The following BMP2K variants were observed in gnomAD, a reference collection of about 807,000 sequenced individuals.
BMP2K encodes the protein BMP2 inducible kinase, also known as BMP-2-inducible protein kinase.
Under a neutral mutation model 116.0 loss-of-function variants are expected in BMP2K, and 74 were observed. The observed-to-expected ratio is 0.64, with a 90% CI of 0.53 to 0.77. The LOEUF (loss-of-function observed/expected upper bound fraction) is 0.77. Ranked by LOEUF, BMP2K falls within the 30% of genes least tolerant of loss-of-function variation. The pLI is 0.00. For synonymous variants in BMP2K, 486 were observed against 502.5 expected (o/e 0.97, Z 0.44); for missense variants, 1,365 against 1,403.6 (o/e 0.97, Z 0.44).
At chr4:78,888,176 T>C (rs539740714) in intron 15 of BMP2K, 1 of 152,354 alleles carries the variant, frequency 6.6e-6, no homozygotes, top group East Asian at 1.9e-4. Flanking sequence ...GTTTTTTCAT[T>C]GCTTTCATAC....
At chr4:78,859,389 C>T in intron 7 of BMP2K, 195 bp from the exon 8 acceptor site, 1 of 402,322 alleles carries the variant, frequency 2.5e-6, no homozygotes, top group Non-Finnish European at 4.4e-6. Context: ...ATTGATCTAC[C>T]CTTAGCTTGG....
At chr4:78,834,654 T>C (rs1038645925) in intron 3 of BMP2K, among the ~76,000 whole-genome samples, 2 of 152,214 alleles carry the variant, frequency 1.3e-5, no homozygotes, top group Non-Finnish European at 2.9e-5. Context: ...TAGGGAGCCC[T>C]GGTTTACATT....
chr4:78,801,602 CT>C (rs1336389217), intron 1 of BMP2K, among the ~76,000 whole-genome samples: 2 of 152,072 alleles, frequency 1.3e-5, no homozygotes, highest in Non-Finnish European at 2.9e-5. Flanking sequence ...AGGTTTAATT[CT>C]TTTTCTTGCT....
chr4:78,830,601 T>C (rs1425042558), intron 2 of BMP2K, among the ~76,000 whole-genome samples: 2 of 152,256 alleles, frequency 1.3e-5, no homozygotes, highest in African/African-American at 4.8e-5. Context: ...ATCTGTTGTT[T>C]AGTGCAGCCA....
intron 1 of BMP2K, 121 bp downstream of exon 1, chr4:78,776,842 G>T: frequency 1.0e-6 from 1 of 970,298 alleles, no homozygotes; most frequent in Non-Finnish European, 1.3e-6. Flanking sequence ...CTGCTGCCGG[G>T]CCAGCGGGGG....
At chr4:78,856,501 G>A (rs754122455) in intron 7 of BMP2K, among the ~76,000 whole-genome samples, 1 of 152,034 alleles carries the variant, frequency 6.6e-6, no homozygotes, top group Non-Finnish European at 1.5e-5. Context: ...GCTTAAAGAT[G>A]CCTTATTGAT....
intron 1 of BMP2K, among the ~76,000 whole-genome samples, chr4:78,818,544 T>C (rs1729466392): frequency 6.6e-6 from 1 of 152,248 alleles, no homozygotes; most frequent in Non-Finnish European, 1.5e-5. Flanking sequence ...AGCCTTCATT[T>C]AACACCTCAC....
intron 15 of BMP2K, among the ~76,000 whole-genome samples, chr4:78,909,966 G>A (rs1206104004): frequency 2.6e-5 from 4 of 152,056 alleles, no homozygotes; most frequent in Admixed American, 6.6e-5. Context: ...AAGGAATCTC[G>A]CTTTTTTAAT....
Position 78,911,745 on chromosome 4 carries a change from G to T in BMP2K, c.3198G>T (p.Leu1066Phe). ...TCTTACAACCTGAGGAGAGCCTGTT[G>T]GACCCCTTCGGTGCCAAGCCCTTCC... is the stretch of plus-strand genomic sequence containing the variant. The part of the protein sequence containing the change: ...GNVLQPEESL[L>F]DPFGAKPFHS... The change falls in exon 16 of 16, where the codon TTG (leucine) becomes TTT (phenylalanine). Residue 1066 changes from leucine to phenylalanine, a missense_variant. By Grantham distance (22) the Leu-to-Phe change is conservative (BLOSUM62 0). Transcript: ENST00000502613. 6.2e-7 allele frequency: 1 copy of T among 1,613,936 alleles called. No homozygotes were observed.
At chr4:78,884,876 C>A (rs1455067640) in intron 14 of BMP2K, among the ~76,000 whole-genome samples, 1 of 152,162 alleles carries the variant, frequency 6.6e-6, no homozygotes, top group Non-Finnish European at 1.5e-5. Flanking sequence ...ATAAATTATT[C>A]TTCAACCTTT....
intron 5 of BMP2K, among the ~76,000 whole-genome samples, chr4:78,845,688 A>G (rs1302693645): frequency 6.6e-6 from 1 of 151,726 alleles, no homozygotes; most frequent in Non-Finnish European, 1.5e-5. Context: ...TATCTTAATA[A>G]AGTGATACAG....
chr4:78,874,051 G>A (rs571278396), intron 13 of BMP2K, among the ~76,000 whole-genome samples: 20 of 152,058 alleles, frequency 1.3e-4, no homozygotes, highest in African/African-American at 3.9e-4. Flanking sequence ...GGTGGTGCGC[G>A]CCTGTAATCC....
chr4:78,873,194 G>C (rs947173440), intron 13 of BMP2K, among the ~76,000 whole-genome samples: 4 of 152,006 alleles, frequency 2.6e-5, no homozygotes, highest in African/African-American at 9.7e-5. Context: ...TACTCATAAA[G>C]GTTGTATAAT....
At chr4:78,843,425 T>A (rs1408437264) in intron 4 of BMP2K, among the ~76,000 whole-genome samples, 1 of 150,066 alleles carries the variant, frequency 6.7e-6, no homozygotes, top group African/African-American at 2.5e-5. Context: ...CCAGGACTTT[T>A]CTTTTTTTTT....
rs966067845 is a variant in BMP2K, at chr4:78,913,862, A to G, written c.*1829A>G. ...TATTATTTAGAGCTGGACTGCACCA[A>G]TTACTTGTCCTCGTGCCAAAGGCAA... On this transcript the variant is annotated 3_prime_UTR_variant, in exon 16 of 16. Transcript: ENST00000502613. The G allele has an allele frequency of 2.0e-5, 3 of 151,844 alleles. No individual in the cohort carries two copies. Among genetic ancestry groups the G allele is most frequent in the African/African-American group, 7.3e-5 (3 of 41,326 alleles). The allele number at this position is 151,844 out of a possible 1,614,324, so 9.4% of individuals were successfully genotyped here. A position where few individuals can be genotyped will look rare whatever the true frequency, so the allele number is the denominator to read the frequency against.
chr4:78,804,199 T>C (rs1298797885), intron 1 of BMP2K, among the ~76,000 whole-genome samples: 4 of 152,230 alleles, frequency 2.6e-5, no homozygotes, highest in African/African-American at 7.2e-5. Context: ...GGGCATTGCA[T>C]GTAAATGGAA....
intron 7 of BMP2K, among the ~76,000 whole-genome samples, chr4:78,851,302 T>G (rs896941738): frequency 6.6e-6 from 1 of 152,084 alleles, no homozygotes; most frequent in African/African-American, 2.4e-5. Context: ...CAAGGGATAA[T>G]GTCAGAAGGG....
intron 7 of BMP2K, among the ~76,000 whole-genome samples, chr4:78,855,958 C>A (rs1204351521): frequency 6.6e-6 from 1 of 152,058 alleles, no homozygotes; most frequent in African/African-American, 2.4e-5. Flanking sequence ...AGTTTCTCTG[C>A]CTTTTTTGTT....
intron 1 of BMP2K, among the ~76,000 whole-genome samples, chr4:78,794,142 T>C (rs1405603973): frequency 1.3e-5 from 2 of 152,144 alleles, no homozygotes; most frequent in Admixed American, 1.3e-4. Context: ...TCCCCTGACC[T>C]CTGCTTGTAG....
Sources: allele counts gnomAD v4.1 joint callset (sites outside exome capture counted in the v4.1 genomes callset), GRCh38; gene constraint gnomAD v4.1.1; transcripts MANE v1.5; gene names NCBI Gene and HGNC (gene_info 2026-07-23, HGNC 2026-07-21).